NFIB: variants seen among roughly 807,000 people sequenced by gnomAD.
NFIB encodes the protein nuclear factor 1 B-type.
A neutral mutation model predicts 61.5 loss-of-function variants in NFIB; 11 were observed. That is an observed-to-expected ratio of 0.18 (90% CI 0.11 to 0.30). The LOEUF is 0.30. Among genes scored for constraint, NFIB ranks in the 10% least tolerant of loss-of-function variants. The pLI, the probability that NFIB is intolerant of heterozygous loss-of-function variation, is 1.00. For synonymous variants in NFIB, 260 were observed against 216.5 expected, an observed-to-expected ratio of 1.20 and a Z score of -1.76; for missense variants, 471 against 608.9, an observed-to-expected ratio of 0.77 and a Z score of 2.38.
chr9:14,268,410 C>G (rs147570444), intron 2 of NFIB, among the ~76,000 whole-genome samples: 3 of 152,116 alleles, frequency 2.0e-5, no homozygotes, highest in African/African-American at 7.2e-5. Flanking sequence ...TCCTCCACTT[C>G]GCCTACACAG....
chr9:14,192,525 T>C (rs889417514), intron 2 of NFIB, among the ~76,000 whole-genome samples: 3 of 152,156 alleles, frequency 2.0e-5, no homozygotes, highest in Non-Finnish European at 4.4e-5. Flanking sequence ...CATTAACTAT[T>C]GACTTCAGGC....
chr9:14,505,719 C>G, the NFIB span, among the ~76,000 whole-genome samples: 1 of 152,118 alleles, frequency 6.6e-6, no homozygotes, highest in Non-Finnish European at 1.5e-5. Context: ...GAACAGAGAG[C>G]AGCAGGAATG....
intron 2 of NFIB, among the ~76,000 whole-genome samples, chr9:14,295,928 G>A (rs937450271): frequency 1.3e-5 from 2 of 152,068 alleles, no homozygotes; most frequent in Non-Finnish European, 2.9e-5. Flanking sequence ...TTAGTCTCTG[G>A]TAAATCTGAG....
the NFIB span, among the ~76,000 whole-genome samples, chr9:14,422,907 C>T: frequency 3.3e-5 from 5 of 152,166 alleles, no homozygotes; most frequent in African/African-American, 1.2e-4. Context: ...AGGCCCCCAG[C>T]CTCCATCTAG....
At chr9:14,337,020 T>C (rs565647554) in intron 1 of NFIB, among the ~76,000 whole-genome samples, 2 of 152,344 alleles carry the variant, frequency 1.3e-5, no homozygotes, top group African/African-American at 4.8e-5. Flanking sequence ...TTCCATGTCA[T>C]GGGATATTAT....
At chr9:14,531,860 C>T in the NFIB span, 1 of 151,966 alleles carries the variant, frequency 6.6e-6, no homozygotes, top group East Asian at 1.9e-4. Flanking sequence ...ATAACACGTG[C>T]ATGGAACAAT....
At chr9:14,427,966 G>A in the NFIB span, among the ~76,000 whole-genome samples, 1 of 2,362 alleles carries the variant, frequency 4.2e-4, no homozygotes, top group Non-Finnish European at 1.3e-3. Flanking sequence ...TTTTTTTTTG[G>A]CAGGATCTCA....
chr9:14,457,085 G>A, the NFIB span, among the ~76,000 whole-genome samples: 2 of 152,106 alleles, frequency 1.3e-5, no homozygotes, highest in Non-Finnish European at 2.9e-5. Context: ...AAGGCCAAGG[G>A]CAATGTGTAC....
chr9:14,237,318 C>T (rs1210487385), intron 2 of NFIB, among the ~76,000 whole-genome samples: 2 of 152,098 alleles, frequency 1.3e-5, no homozygotes, highest in Admixed American at 6.6e-5. Context: ...TACTGTGACT[C>T]CCCAAATTAT....
the NFIB span, among the ~76,000 whole-genome samples, chr9:14,422,073 TA>T: frequency 6.6e-6 from 1 of 152,208 alleles, no homozygotes; most frequent in South Asian, 2.1e-4. Flanking sequence ...TATAATCATA[TA>T]AACAGGCTAG....
At chr9:14,163,333 T>A (rs554967689) in intron 3 of NFIB, among the ~76,000 whole-genome samples, 1 of 152,124 alleles carries the variant, frequency 6.6e-6, no homozygotes, top group East Asian at 1.9e-4. Flanking sequence ...GTATATGGAC[T>A]GAATTTTCCC....
At chr9:14,442,307 T>C in the NFIB span, among the ~76,000 whole-genome samples, 1 of 152,220 alleles carries the variant, frequency 6.6e-6, no homozygotes, top group African/African-American at 2.4e-5. Context: ...CATGCATCTC[T>C]GATTGCTTTA....
intron 1 of NFIB, among the ~76,000 whole-genome samples, chr9:14,324,908 G>A (rs1050671442): frequency 4.6e-5 from 7 of 152,104 alleles, no homozygotes; most frequent in African/African-American, 1.7e-4. Flanking sequence ...TTTCAAGCAT[G>A]TCTTAGAGAA....
At position 14,113,080 on chromosome 9, in the gene NFIB, G is replaced by A. The variant is rs192336942; in HGVS notation, c.1386C>T (p.Ala462=). 2 of 1,549,254 alleles carry A rather than the reference G, an allele frequency of 1.3e-6. No individual in the cohort carries two copies. Among genetic ancestry groups the A allele is most frequent in the Admixed American group, 3.9e-5 (2 of 50,842 alleles). The part of the protein sequence containing the change: ...DTKPITTSTE[A]YTASGTSQAN... ...CTTGAGATGTGCCTGAGGCTGTGTA[G>A]GCTGATTAAGGAAGAACAAAAACAA... The change falls in exon 10 of 11, where the codon GCC becomes GCT. Residue 462 remains alanine, a splice_region_variant and synonymous_variant. Transcript: ENST00000380953.
rs1347213581 is a variant in NFIB, at chr9:14,194,572, A to G, written c.563-14792T>C. Among the ~76,000 whole-genome samples, 21 of 152,240 alleles carry G rather than the reference A, an allele frequency of 1.4e-4. 1 individual carries two copies. The highest frequency in any genetic ancestry group is 1.5e-5 in the Non-Finnish European group (1 of 68,036). ...TTACAGTCAAAAAAGAAAAAAGACA[A>G]TAAGAAGAAATAAAAATTATCCCAG... is the stretch of plus-strand genomic sequence containing the variant. On this transcript the variant is annotated intron_variant, in intron 2 of 10. Coordinates refer to ENST00000380953, the MANE Select transcript of NFIB (RefSeq NM_001190737.2).
At chr9:14,361,292 G>C (rs965132020) in intron 1 of NFIB, 1 of 151,082 alleles carries the variant, frequency 6.6e-6, no homozygotes, top group Non-Finnish European at 1.5e-5. Flanking sequence ...GACTTTTGAG[G>C]ATTGCTTTTT....
chr9:14,302,855 A>G (rs1246708850), intron 2 of NFIB, among the ~76,000 whole-genome samples: 1 of 152,116 alleles, frequency 6.6e-6, no homozygotes, highest in Non-Finnish European at 1.5e-5. Flanking sequence ...CCCTTTGGGT[A>G]GAACTGCTAA....
At chr9:14,133,487 G>C (rs2040643448) in intron 6 of NFIB, among the ~76,000 whole-genome samples, 1 of 152,192 alleles carries the variant, frequency 6.6e-6, no homozygotes, top group South Asian at 2.1e-4. Context: ...CAAATCAAGT[G>C]TGTGGGATGA....
chr9:14,144,253 C>G (rs1237100006), intron 6 of NFIB, among the ~76,000 whole-genome samples: 1 of 152,022 alleles, frequency 6.6e-6, no homozygotes, highest in African/African-American at 2.4e-5. Flanking sequence ...AAAGAGGAAT[C>G]AATTCTTACA....
Sources: gnomAD v4.1 joint callset for allele counts (sites outside exome capture counted in the v4.1 genomes callset) on GRCh38, gnomAD v4.1.1 for gene constraint, MANE v1.5 for transcripts, NCBI Gene and HGNC (gene_info 2026-07-23, HGNC 2026-07-21) for gene names.